ANK2: variants seen among roughly 807,000 people sequenced by gnomAD.
ANK2 encodes the protein ankyrin 2.
ANK2 carries 83 observed loss-of-function variants against 360.5 expected under a neutral mutation model. That is an observed-to-expected ratio of 0.23 (90% confidence interval 0.19 to 0.28). The LOEUF (loss-of-function observed/expected upper bound fraction) is 0.28. Among genes scored for constraint, ANK2 ranks in the 10% least tolerant of loss-of-function variants. The pLI is 1.00. For missense variants in ANK2, 4,201 were observed against 4,795.7 expected (o/e 0.88, Z 3.66); for synonymous variants, 1,740 against 1,759.5 (o/e 0.99, Z 0.28).
chr4:112,997,743 A>G (rs940936446), intron 2 of ANK2, among the ~76,000 whole-genome samples: 5 of 151,978 alleles, frequency 3.3e-5, no homozygotes, highest in African/African-American at 1.2e-4. Flanking sequence ...GTATGTATAT[A>G]TATGTGTATA....
chr4:113,356,166 T>G lies in ANK2; in HGVS notation c.7548T>G (p.Ser2516Arg), dbSNP rs774977560. ...GGCTACTCCGAGACCCTGATGGCAG[T>G]GCTGAGGATGACAGTCTTGAGCAGA... ...RSRLLRDPDGSAEDDSLEQTS... is the reference protein window; with the variant it reads ...RSRLLRDPDGRAEDDSLEQTS... The change falls in exon 38 of 46, where the codon AGT (serine) becomes AGG (arginine). Residue 2516 changes from serine (S) to arginine (R), a missense_variant. Physicochemically the swap from Ser to Arg is moderately radical, Grantham distance 110. Transcript: ENST00000357077. 1.2e-6 allele frequency: 2 copies of G among 1,613,866 alleles called. No individual in the cohort carries two copies. Among genetic ancestry groups the G allele is most frequent in the Non-Finnish European group, 8.5e-7 (1 of 1,179,942 alleles).
At chr4:112,827,050 A>G (rs962670372) in intron 1 of ANK2, 1 of 1,310,892 alleles carries the variant, frequency 7.6e-7, no homozygotes, top group Admixed American at 1.7e-5. Flanking sequence ...ACAGAACTTA[A>G]CTGTTGCTGT....
At position 113,363,470 on chromosome 4, in the gene ANK2, G is replaced by GT. The variant is rs2096351204; in HGVS notation, c.10888+2dup. On this transcript the variant is annotated splice_donor_variant, in intron 40 of 45. Coordinates refer to ENST00000357077, the MANE Select transcript of ANK2 (RefSeq NM_001148.6). LOFTEE classifies it high-confidence loss of function. ...GAGAGGGATGGGAAACATGCTACAGGTAAGTGGGGAACTATATGCATATTG... is the reference window on the plus strand; with the variant it reads ...GAGAGGGATGGGAAACATGCTACAGGTTAAGTGGGGAACTATATGCATATTG... 1 of 1,613,226 alleles carries GT rather than the reference G, an allele frequency of 6.2e-7. No homozygotes were observed. The highest frequency in any genetic ancestry group is 1.3e-5 in the African/African-American group (1 of 74,960).
chr4:112,782,733 G>T, the ANK2 span, among the ~76,000 whole-genome samples: 3,264 of 151,820 alleles, frequency 0.021, 53 homozygotes, highest in Non-Finnish European at 0.037. Flanking sequence ...GCTGGGCATG[G>T]TGGCAGGTGC....
intron 14 of ANK2, among the ~76,000 whole-genome samples, chr4:113,268,543 G>A (rs11727644): frequency 0.45 from 68,372 of 151,958 alleles, 16,019 homozygotes; most frequent in Non-Finnish European, 0.53. Context: ...TATGTGATGG[G>A]TTACATTTAT....
chr4:112,979,486 C>T (rs1187537012), intron 2 of ANK2: 1 of 152,246 alleles, frequency 6.6e-6, no homozygotes, highest in African/African-American at 2.4e-5. Flanking sequence ...CTCCTCATCA[C>T]CTGCCACCTG....
chr4:113,180,928 C>A (rs1213345250), intron 2 of ANK2, among the ~76,000 whole-genome samples: 1 of 152,154 alleles, frequency 6.6e-6, no homozygotes, highest in African/African-American at 2.4e-5. Context: ...CTGTGCCATC[C>A]TGTAATCTCT....
chr4:113,341,628 T>C, intron 32 of ANK2, 60 bp from the exon 33 acceptor site: 3 of 1,560,762 alleles, frequency 1.9e-6, no homozygotes, highest in Non-Finnish European at 2.6e-6. Flanking sequence ...AAGGAACTGA[T>C]TTTATTTTTC....
rs151328142 is a variant in ANK2 at position 113,195,357 on chromosome 4, A to T, written c.187-1011A>T. Among the ~76,000 whole-genome samples, 37 of 152,132 alleles carry T rather than the reference A, an allele frequency of 2.4e-4. No homozygotes were observed. The East Asian group carries it at 6.9e-3, about 29-fold the overall frequency. On this transcript the variant is annotated intron_variant, in intron 2 of 45. Coordinates refer to ENST00000357077, the MANE Select transcript of ANK2 (RefSeq NM_001148.6). ...CAACTTTTTCTTTTTTTACATTCTGAGTATGACTCACAGTCATTCTTAGAT... is the reference window on the plus strand; with the variant it reads ...CAACTTTTTCTTTTTTTACATTCTGTGTATGACTCACAGTCATTCTTAGAT...
At chr4:113,332,733 A>G (rs1482779839) in intron 28 of ANK2, among the ~76,000 whole-genome samples, 3 of 152,270 alleles carry the variant, frequency 2.0e-5, no homozygotes, top group Non-Finnish European at 2.9e-5. Context: ...ATTGGCAGAC[A>G]TCATAGATAT....
upstream of ANK2, among the ~76,000 whole-genome samples, chr4:112,815,124 G>A (rs942079093): frequency 1.3e-4 from 19 of 151,508 alleles, no homozygotes; most frequent in Non-Finnish European, 2.9e-5. Context: ...CAAATGATCC[G>A]CCCACCTCGG....
intron 34 of ANK2, 61 bp downstream of exon 34, chr4:113,343,203 C>T (rs2094478945): frequency 6.4e-7 from 1 of 1,567,348 alleles, no homozygotes; most frequent in Non-Finnish European, 8.7e-7. Context: ...AATTTGACTT[C>T]CTTTAGTAAT....
rs142462055 is a variant in ANK2 at position 113,379,476 on chromosome 4, T to C, written c.11860-1981T>C. On this transcript the variant is annotated intron_variant, in intron 45 of 45. Transcript: ENST00000357077. ...ATACATGTGCATATTCAGAAACACA[T>C]TGGCCTACATTTGCCTACACAGAAT... is the stretch of plus-strand genomic sequence containing the variant. Among the ~76,000 whole-genome samples, 91 of 152,328 alleles carry C rather than the reference T, an allele frequency of 6.0e-4. 1 individual carries two copies. The highest frequency in any genetic ancestry group is 2.1e-3 in the African/African-American group (88 of 41,578).
chr4:113,378,993 G>T (rs376128732), intron 45 of ANK2, among the ~76,000 whole-genome samples: 29 of 152,194 alleles, frequency 1.9e-4, no homozygotes, highest in African/African-American at 7.0e-4. Context: ...GAGAAAGATT[G>T]TCATTCAGAG....
intron 4 of ANK2, chr4:113,214,568 G>A (rs1483553052): frequency 5.6e-6 from 3 of 531,480 alleles, no homozygotes; most frequent in Admixed American, 6.4e-5. Flanking sequence ...TCACAGAATT[G>A]TTTTGTCATG....
intron 2 of ANK2, among the ~76,000 whole-genome samples, chr4:112,921,702 T>C (rs1214162530): frequency 1.3e-5 from 2 of 151,984 alleles, no homozygotes; most frequent in African/African-American, 4.8e-5. Context: ...TTTTTTTGCA[T>C]TATCCACTAT....
intron 1 of ANK2, among the ~76,000 whole-genome samples, chr4:112,829,540 TC>T (rs1463131041): frequency 1.5e-5 from 2 of 137,132 alleles, no homozygotes; most frequent in Non-Finnish European, 3.1e-5. Flanking sequence ...GAGACACTTC[TC>T]AAAAGAAGAC....
intron 1 of ANK2, among the ~76,000 whole-genome samples, chr4:112,867,558 C>T (rs1273456695): frequency 3.3e-5 from 5 of 152,006 alleles, no homozygotes; most frequent in Non-Finnish European, 5.9e-5. Flanking sequence ...ACTCCCCTTT[C>T]CCCCCTACTC....
upstream of ANK2, among the ~76,000 whole-genome samples, chr4:112,816,222 A>C (rs1379155007): frequency 6.6e-6 from 1 of 152,076 alleles, no homozygotes; most frequent in Admixed American, 6.5e-5. Flanking sequence ...GATGTGAAAA[A>C]CCCACATATC....
Sources: gnomAD v4.1 joint callset for allele counts (sites outside exome capture counted in the v4.1 genomes callset) on GRCh38, gnomAD v4.1.1 for gene constraint, MANE v1.5 for transcripts, NCBI Gene and HGNC (gene_info 2026-07-23, HGNC 2026-07-21) for gene names.